The following SLC30A9 variants were observed in gnomAD, a reference collection of about 807,000 sequenced individuals.
The protein encoded by SLC30A9 is solute carrier family 30 member 9, also known as proton-coupled zinc antiporter SLC30A9, mitochondrial.
A neutral mutation model predicts 87.5 loss-of-function variants in SLC30A9; 58 were observed. The observed-to-expected ratio is 0.66, with a 90% CI of 0.54 to 0.82. The LOEUF is 0.82. SLC30A9 is among the 40% of genes least tolerant of loss of function. The probability of loss-of-function intolerance (pLI) is 0.00; values close to 1 mark genes in which losing one functional copy is unlikely to be tolerated. For missense variants in SLC30A9, 557 were observed against 679.1 expected (o/e 0.82, Z 2.00); for synonymous variants, 234 against 233.0 (o/e 1.00, Z -0.04).
chr4:42,013,483 C>T (rs1357582454), intron 2 of SLC30A9, among the ~76,000 whole-genome samples: 4 of 152,118 alleles, frequency 2.6e-5, no homozygotes, highest in Non-Finnish European at 5.9e-5. Flanking sequence ...ATAATCTAAA[C>T]AGCATAGGTT....
At chr4:42,025,726 C>T (rs4362859) in intron 6 of SLC30A9, among the ~76,000 whole-genome samples, 98,333 of 151,970 alleles carry the variant, frequency 0.65, 35,991 homozygotes, top group East Asian at 0.96. Context: ...AGTGCAGTGG[C>T]GCAATCTCAG....
intron 8 of SLC30A9, among the ~76,000 whole-genome samples, chr4:42,040,365 T>C (rs1410579082): frequency 3.9e-5 from 6 of 152,166 alleles, no homozygotes; most frequent in Admixed American, 3.9e-4. Context: ...AGAAGTATTA[T>C]TGTTAATATA....
chr4:42,020,602 T>C lies in SLC30A9; in HGVS notation c.434+87T>C, dbSNP rs1024080363. The C allele has an allele frequency of 7.7e-6, 5 of 651,970 alleles. No homozygotes were observed. In the Middle Eastern group the frequency reaches 1.3e-3, roughly 167 times the overall value. 40.4% of individuals were successfully genotyped at this position (651,970 alleles called of 1,614,324 possible). A position where few individuals can be genotyped will look rare whatever the true frequency, so the allele number is the denominator to read the frequency against. ...TCTTAGAGTGTGTTACCTGCTACCA[T>C]CCATATATGGAAAATTTGCTACTGG... On this transcript the variant is annotated intron_variant, in intron 4 of 17. Transcript: ENST00000264451.
chr4:42,039,429 A>G (rs974242189), intron 8 of SLC30A9, among the ~76,000 whole-genome samples: 46 of 151,884 alleles, frequency 3.0e-4, no homozygotes, highest in African/African-American at 1.1e-3. Context: ...TTATCTTGGA[A>G]GAACATAATT....
chr4:42,035,231 G>T, intron 6 of SLC30A9, 44 bp from the exon 7 acceptor site: 1 of 1,549,428 alleles, frequency 6.5e-7, no homozygotes, highest in South Asian at 1.1e-5. Context: ...AACTGTGACT[G>T]GTAAGAATAT....
At chr4:42,024,009 T>C (rs1156518802) in intron 6 of SLC30A9, among the ~76,000 whole-genome samples, 1 of 152,174 alleles carries the variant, frequency 6.6e-6, no homozygotes, top group East Asian at 1.9e-4. Context: ...CCTCGGCACA[T>C]GGGGATTATG....
At chr4:42,044,678 A>G (rs542651411) in intron 8 of SLC30A9, among the ~76,000 whole-genome samples, 1 of 152,350 alleles carries the variant, frequency 6.6e-6, no homozygotes, top group Non-Finnish European at 1.5e-5. Flanking sequence ...ATTAACAAGG[A>G]TATTCAGGAC....
chr4:41,998,299 A>G (rs193062619), intron 1 of SLC30A9, among the ~76,000 whole-genome samples: 2 of 152,324 alleles, frequency 1.3e-5, no homozygotes, highest in Non-Finnish European at 2.9e-5. Flanking sequence ...CCTTATATAC[A>G]CAGCCATAAG....
chr4:41,995,742 C>G (rs986761011), intron 1 of SLC30A9, among the ~76,000 whole-genome samples: 1 of 152,194 alleles, frequency 6.6e-6, no homozygotes, highest in Non-Finnish European at 1.5e-5. Context: ...AAGGGTCTTG[C>G]TCTGTCACCC....
intron 12 of SLC30A9, 47 bp from the exon 13 acceptor site, chr4:42,066,503 G>A: frequency 1.6e-6 from 2 of 1,235,702 alleles, no homozygotes; most frequent in South Asian, 1.3e-5. Context: ...TTTAAAGTTT[G>A]GAGGCATGAA....
chr4:42,061,933 G>A (rs568504754), intron 10 of SLC30A9, among the ~76,000 whole-genome samples: 123 of 150,626 alleles, frequency 8.2e-4, no homozygotes, highest in African/African-American at 2.8e-3. Context: ...GGTGGCCCAC[G>A]CCTGTAATCC....
chr4:42,070,316 T>A lies in SLC30A9; in HGVS notation c.1253-210T>A, dbSNP rs1718258515. 9.0e-6 allele frequency: 4 copies of A among 446,524 alleles called. 1 individual carries two copies. Among genetic ancestry groups the A allele is most frequent in the South Asian group, 1.1e-4 (2 of 17,864 alleles). The allele number at this position is 446,524 out of a possible 1,614,324, so 27.7% of individuals were successfully genotyped here. A position where few individuals can be genotyped will look rare whatever the true frequency, so the allele number is the denominator to read the frequency against. On this transcript the variant is annotated intron_variant, in intron 14 of 17. Coordinates refer to ENST00000264451, the MANE Select transcript of SLC30A9 (RefSeq NM_006345.4). ...AGGTACAAGTAAGAGATCTTAATTA[T>A]GTCACATAGTACTCTTATGAAAGCA...
At chr4:42,043,975 C>T (rs1401022290) in intron 8 of SLC30A9, among the ~76,000 whole-genome samples, 2 of 152,132 alleles carry the variant, frequency 1.3e-5, no homozygotes, top group African/African-American at 4.8e-5. Context: ...AACTAAGCTT[C>T]ATAAGCGAAG....
intron 17 of SLC30A9, among the ~76,000 whole-genome samples, chr4:42,083,738 G>T (rs1718821506): frequency 6.6e-6 from 1 of 152,058 alleles, no homozygotes; most frequent in East Asian, 1.9e-4. Context: ...GGAGTAGGAA[G>T]ATACAATTTA....
At chr4:42,057,343 C>G (rs888949735) in intron 9 of SLC30A9, among the ~76,000 whole-genome samples, 1 of 152,190 alleles carries the variant, frequency 6.6e-6, no homozygotes, top group Non-Finnish European at 1.5e-5. Flanking sequence ...CCAGGTGTTT[C>G]CCATACATCC....
intron 6 of SLC30A9, chr4:42,030,218 C>T: frequency 6.9e-6 from 2 of 291,106 alleles, no homozygotes; most frequent in Non-Finnish European, 1.2e-5. Context: ...ATGTATGGGA[C>T]CTACACTTAA....
intron 6 of SLC30A9, among the ~76,000 whole-genome samples, 165 bp from the exon 7 acceptor site, chr4:42,035,110 C>T (rs944426002): frequency 6.6e-5 from 10 of 152,040 alleles, no homozygotes; most frequent in African/African-American, 2.4e-4. Context: ...GAAATCCTCT[C>T]CCCATTTTTT....
chr4:42,084,725 C>T (rs1488685367), intron 17 of SLC30A9, among the ~76,000 whole-genome samples: 1 of 152,210 alleles, frequency 6.6e-6, no homozygotes, highest in Non-Finnish European at 1.5e-5. Flanking sequence ...CCCGCCTCGG[C>T]CTCCCAGAGT....
intron 1 of SLC30A9, among the ~76,000 whole-genome samples, chr4:41,993,540 G>C (rs1169131075): frequency 6.6e-6 from 1 of 152,132 alleles, no homozygotes; most frequent in Non-Finnish European, 1.5e-5. Flanking sequence ...GAAAAACAGA[G>C]ACTTTAAAGG....
Sources: gnomAD v4.1 joint callset for allele counts (sites outside exome capture counted in the v4.1 genomes callset) on GRCh38, gnomAD v4.1.1 for gene constraint, MANE v1.5 for transcripts, NCBI Gene and HGNC (gene_info 2026-07-23, HGNC 2026-07-21) for gene names.